Variants in CFAP52 observed in about 807,000 individuals in gnomAD.
CFAP52 encodes the protein cilia and flagella associated protein 52, also known as cilia- and flagella-associated protein 52.
CFAP52 carries 57 observed loss-of-function variants against 70.5 expected under a neutral mutation model. That is an observed-to-expected ratio of 0.81 (90% confidence interval 0.65 to 1.01). The LOEUF (loss-of-function observed/expected upper bound fraction) is 1.01, where lower values mean the gene tolerates loss of function less well. Among genes scored for constraint, CFAP52 ranks in the 50% least tolerant of loss-of-function variants. CFAP52 has a pLI of 0.00. For synonymous variants in CFAP52, 267 were observed against 292.5 expected (o/e 0.91, Z 0.89); for missense variants, 785 against 788.5 (o/e 1.00, Z 0.05).
chr17:9,578,702 C>G (rs570234046), intron 1 of CFAP52, among the ~76,000 whole-genome samples: 2 of 152,100 alleles, frequency 1.3e-5, no homozygotes, highest in Non-Finnish European at 2.9e-5. Context: ...CCCACCACCA[C>G]GCCTGGCTAA....
intron 11 of CFAP52, among the ~76,000 whole-genome samples, chr17:9,637,661 GC>G (rs754733950): frequency 1.3e-5 from 2 of 152,228 alleles, no homozygotes; most frequent in Non-Finnish European, 2.9e-5. Context: ...TGCAGCCTCT[GC>G]CTCCCGGGTT....
At chr17:9,614,599 G>A (rs950050290) in intron 8 of CFAP52, among the ~76,000 whole-genome samples, 1 of 151,990 alleles carries the variant, frequency 6.6e-6, no homozygotes, top group Non-Finnish European at 1.5e-5. Flanking sequence ...AAATTCATTT[G>A]TTTATTAAAC....
chr17:9,588,574 A>T (rs979188404), intron 3 of CFAP52, among the ~76,000 whole-genome samples: 5 of 151,944 alleles, frequency 3.3e-5, no homozygotes, highest in Admixed American at 1.3e-4. Context: ...CTACCCACTC[A>T]CCTCGGACTT....
rs73975736 is a variant in CFAP52 at position 9,577,308 on chromosome 17, A to T, written c.70+543A>T. On this transcript the variant is annotated intron_variant, in intron 1 of 13. Coordinates refer to ENST00000352665, the MANE Select transcript of CFAP52 (RefSeq NM_145054.5). The stretch of plus-strand genomic sequence containing the variant: ...TAATCCTAAGGAAGGTTTCTAAATG[A>T]TGAGGATTTCAGACCAGGACAGAAG... 3.8e-3 allele frequency among the ~76,000 whole-genome samples: 578 copies of T among 151,956 alleles called. 6 individuals are homozygous for T. Among genetic ancestry groups the T allele is most frequent in the African/African-American group, 0.013 (531 of 41,260 alleles).
chr17:9,592,138 A>C (rs1908791259), intron 3 of CFAP52, among the ~76,000 whole-genome samples: 1 of 151,844 alleles, frequency 6.6e-6, no homozygotes, highest in Non-Finnish European at 1.5e-5. Context: ...ATCATCCACA[A>C]TTTTAGAATG....
chr17:9,642,948 T>A (rs1293785492), intron 13 of CFAP52, 75 bp from the exon 14 acceptor site: 2 of 1,255,368 alleles, frequency 1.6e-6, no homozygotes, highest in Non-Finnish European at 2.1e-6. Context: ...TTGAAAATGA[T>A]CCAGTTATTT....
chr17:9,605,286 C>CAGGAAAAGACTTTAT (rs1418977991), intron 6 of CFAP52, among the ~76,000 whole-genome samples: 2 of 152,008 alleles, frequency 1.3e-5, no homozygotes, highest in Non-Finnish European at 2.9e-5. Context: ...GCTATAAAGT[C>CAGGAAAAGACTTTAT]AGGAAAAGAC....
chr17:9,632,823 A>G, intron 9 of CFAP52, 65 bp from the exon 10 acceptor site: 1 of 1,572,352 alleles, frequency 6.4e-7, no homozygotes, highest in Non-Finnish European at 8.6e-7. Context: ...TAGTGAGGCC[A>G]GCAGACTGTG....
In CFAP52 at chr17:9,585,881, T is replaced by G. The variant is rs1161989390; in HGVS notation, c.179T>G (p.Leu60Arg). 1 of 1,613,806 alleles carries G rather than the reference T, an allele frequency of 6.2e-7. No individual in the cohort carries two copies. The highest frequency in any genetic ancestry group is 8.5e-7 in the Non-Finnish European group (1 of 1,180,008). Reference sequence around the variant, plus strand: ...ATAAATACTAAAGAGCAGAACTTCCTACAGGGTCATGGCAACAACGTCTCC... The same window carrying G: ...ATAAATACTAAAGAGCAGAACTTCCGACAGGGTCATGGCAACAACGTCTCC... ...QAINTKEQNF[L>R]QGHGNNVSCL... Residue 60 changes from leucine to arginine, a missense_variant, in exon 2 of 14, where the codon CTA becomes CGA. Leu to Arg is a moderately radical substitution (Grantham distance 102, BLOSUM62 -2). Coordinates refer to ENST00000352665, the MANE Select transcript of CFAP52 (RefSeq NM_145054.5).
At chr17:9,601,847 A>G (rs1909284043) in intron 6 of CFAP52, among the ~76,000 whole-genome samples, 2 of 152,198 alleles carry the variant, frequency 1.3e-5, no homozygotes, top group African/African-American at 4.8e-5. Flanking sequence ...GCACCTGCCT[A>G]TCTCGTTTCT....
chr17:9,629,330 T>C (rs1910357715), intron 9 of CFAP52, among the ~76,000 whole-genome samples: 1 of 152,186 alleles, frequency 6.6e-6, no homozygotes, highest in South Asian at 2.1e-4. Flanking sequence ...AGTATTGTCT[T>C]ATGCTAAATC....
chr17:9,613,873 T>C (rs922678936), intron 8 of CFAP52, among the ~76,000 whole-genome samples: 1 of 144,820 alleles, frequency 6.9e-6, no homozygotes, highest in Admixed American at 7.3e-5. Context: ...TGAATCCCTG[T>C]GATTAGGTCT....
In CFAP52 at chr17:9,612,399, T is replaced by C; in HGVS notation, c.945T>C (p.Tyr315=). 1 of 1,614,220 alleles carries C rather than the reference T, an allele frequency of 6.2e-7. No homozygotes were observed. The highest frequency in any genetic ancestry group is 8.5e-7 in the Non-Finnish European group (1 of 1,180,042). Residue 315 remains tyrosine (Y), a synonymous_variant, in exon 8 of 14, where the codon TAT becomes TAC. Transcript: ENST00000352665. ...TAGGAACAGAAGAATCGCACATTTA[T>C]CGTGTCAGCTTCACGGATTTCAAAG... ...FLVGTEESHI[Y]RVSFTDFKET... is the part of the protein sequence containing the mutation.
Position 9,642,510 on chromosome 17 carries a change from G to C in CFAP52, c.1688-513G>C, listed in dbSNP as rs539016338. Among the ~76,000 whole-genome samples the C allele has an allele frequency of 7.2e-5, 11 of 152,278 alleles. No individual in the cohort carries two copies. The East Asian group carries it at 2.1e-3, about 29-fold the overall frequency. ...GTGGTGGTGCACGCCTATAATCCCA[G>C]CTACTTGGGAGGCTGAGACAGGAGA... is the stretch of plus-strand genomic sequence containing the variant. On this transcript the variant is annotated intron_variant, in intron 13 of 13. Coordinates refer to ENST00000352665, the MANE Select transcript of CFAP52 (RefSeq NM_145054.5).
intron 12 of CFAP52, among the ~76,000 whole-genome samples, chr17:9,639,445 AT>A (rs1333447022): frequency 2.0e-5 from 3 of 151,518 alleles, no homozygotes; most frequent in Admixed American, 1.3e-4. Flanking sequence ...AAAAAAAAAA[AT>A]TCTACATATG....
At chr17:9,639,372 G>A (rs930038799) in intron 12 of CFAP52, among the ~76,000 whole-genome samples, 3 of 151,750 alleles carry the variant, frequency 2.0e-5, no homozygotes, top group East Asian at 3.9e-4. Flanking sequence ...TGGAGGTTGC[G>A]GCGAGCCAAG....
Position 9,643,004 on chromosome 17 carries a change from A to G in CFAP52, c.1688-19A>G. ...CTCTCCTATTGCAGCAATGCCATAT[A>G]CGTGTTTATCTTTTTCAGGTGGAAA... On this transcript the variant is annotated intron_variant, in intron 13 of 13. Coordinates refer to ENST00000352665, the MANE Select transcript of CFAP52 (RefSeq NM_145054.5). 1 of 1,584,566 alleles carries G rather than the reference A, an allele frequency of 6.3e-7. No individual in the cohort carries two copies. The highest frequency in any genetic ancestry group is 8.6e-7 in the Non-Finnish European group (1 of 1,164,940).
At chr17:9,586,257 C>T (rs149874076) in intron 2 of CFAP52, among the ~76,000 whole-genome samples, 5 of 152,062 alleles carry the variant, frequency 3.3e-5, no homozygotes, top group East Asian at 1.9e-4. Context: ...GAACCTGATC[C>T]GATTTCTAGA....
intron 1 of CFAP52, 50 bp from the exon 2 acceptor site, chr17:9,585,694 GTTGTGTTTTGTACTCAAGTAGAAAATTCC>G (rs1908433181): frequency 1.5e-6 from 2 of 1,340,386 alleles, no homozygotes; most frequent in Non-Finnish European, 2.1e-6. Flanking sequence ...CACACAAAGT[GTTGTGTTTTGTACTCAAGTAGAAAATTCC>G]TGGCCACTTC....
Sources: gnomAD v4.1 joint callset for allele counts (sites outside exome capture counted in the v4.1 genomes callset) on GRCh38, gnomAD v4.1.1 for gene constraint, MANE v1.5 for transcripts, NCBI Gene and HGNC (gene_info 2026-07-23, HGNC 2026-07-21) for gene names.